The following ERC2 variants were observed in gnomAD, a reference collection of about 807,000 sequenced individuals.
ERC2 encodes ERC protein 2.
ERC2 carries 42 observed loss-of-function variants against 114.8 expected under a neutral mutation model. The ratio of observed to expected loss-of-function variants is 0.37; its 90% CI spans 0.29 to 0.47. The LOEUF (loss-of-function observed/expected upper bound fraction) is 0.47. Ranked by LOEUF, ERC2 falls within the 20% of genes least tolerant of loss-of-function variation. The pLI, the probability that ERC2 is intolerant of heterozygous loss-of-function variation, is 0.99. For missense variants in ERC2, 939 were observed against 1,150.7 expected (o/e 0.82, Z 2.66); for synonymous variants, 454 against 425.5 (o/e 1.07, Z -0.82).
intron 17 of ERC2, among the ~76,000 whole-genome samples, chr3:55,615,173 G>C (rs1275010428): frequency 6.6e-6 from 1 of 152,176 alleles, no homozygotes; most frequent in African/African-American, 2.4e-5. Flanking sequence ...TGTTGTCATA[G>C]GATACCAGCT....
At chr3:56,405,307 G>A (rs1217925720) in intron 2 of ERC2, among the ~76,000 whole-genome samples, 3 of 152,132 alleles carry the variant, frequency 2.0e-5, no homozygotes, top group Non-Finnish European at 4.4e-5. Context: ...AGCCGGGCAT[G>A]GCGGTGGGTG....
At position 56,137,360 on chromosome 3, in the gene ERC2, T is replaced by C. The variant is rs762774726; in HGVS notation, c.1473+2149A>G. On this transcript the variant is annotated intron_variant, in intron 6 of 17. Coordinates refer to ENST00000288221, the MANE Select transcript of ERC2 (RefSeq NM_015576.3). The stretch of plus-strand genomic sequence containing the variant: ...GTACAAGCAGTTGCTTTTTGAATAA[T>C]ACAGTGAAGAAAAATGAATGCTCTA... Among the ~76,000 whole-genome samples the C allele has an allele frequency of 2.6e-5, 4 of 152,158 alleles. No individual in the cohort carries two copies. The South Asian group carries it at 8.3e-4, about 32-fold the overall frequency.
intron 17 of ERC2, among the ~76,000 whole-genome samples, chr3:55,592,238 C>T (rs1230194865): frequency 3.3e-5 from 5 of 152,212 alleles, no homozygotes; most frequent in Admixed American, 6.5e-5. Context: ...GGCATATCCC[C>T]GTATCTGGGC....
intron 14 of ERC2, among the ~76,000 whole-genome samples, chr3:55,773,079 T>A (rs750072520): frequency 6.6e-6 from 1 of 152,224 alleles, no homozygotes; most frequent in Non-Finnish European, 1.5e-5. Flanking sequence ...AAATGTTACA[T>A]TGGAGCAAGT....
At chr3:55,733,175 G>A (rs1206893780) in intron 15 of ERC2, among the ~76,000 whole-genome samples, 1 of 152,154 alleles carries the variant, frequency 6.6e-6, no homozygotes, top group Non-Finnish European at 1.5e-5. Context: ...GAAGGAATTA[G>A]GGAAAAGCAA....
intron 15 of ERC2, among the ~76,000 whole-genome samples, chr3:55,721,230 T>A (rs2064529060): frequency 1.3e-5 from 2 of 152,248 alleles, no homozygotes; most frequent in African/African-American, 2.4e-5. Context: ...GGTTTCCCCA[T>A]CTGCAAAGTG....
intron 2 of ERC2, among the ~76,000 whole-genome samples, chr3:56,403,210 T>C (rs891863792): frequency 6.6e-6 from 1 of 152,230 alleles, no homozygotes; most frequent in African/African-American, 2.4e-5. Flanking sequence ...ATTTTCTAGA[T>C]GCCTTCTCAG....
chr3:56,207,357 A>G (rs2048803851), intron 3 of ERC2, among the ~76,000 whole-genome samples: 1 of 152,008 alleles, frequency 6.6e-6, no homozygotes, highest in Non-Finnish European at 1.5e-5. Flanking sequence ...AGCTATTAAC[A>G]TTTTCATTAC....
intron 2 of ERC2, among the ~76,000 whole-genome samples, chr3:56,406,299 A>G (rs1225466839): frequency 1.3e-5 from 2 of 152,174 alleles, no homozygotes; most frequent in African/African-American, 4.8e-5. Context: ...TGTTTATCCT[A>G]CGTGGCTGTG....
intron 12 of ERC2, among the ~76,000 whole-genome samples, chr3:55,962,525 G>A (rs1248716462): frequency 2.0e-5 from 3 of 152,186 alleles, no homozygotes; most frequent in Non-Finnish European, 4.4e-5. Context: ...GCCTGAATTT[G>A]CTGAACCCTG....
chr3:55,673,092 A>G (rs1252181111), intron 17 of ERC2, among the ~76,000 whole-genome samples: 1 of 152,226 alleles, frequency 6.6e-6, no homozygotes, highest in East Asian at 1.9e-4. Flanking sequence ...CTCTGGCTCT[A>G]GAAGACTTCC....
chr3:55,542,419 G>A (rs62251472), intron 17 of ERC2, among the ~76,000 whole-genome samples: 2 of 152,136 alleles, frequency 1.3e-5, no homozygotes, highest in Non-Finnish European at 2.9e-5. Context: ...AGCCAGCCTT[G>A]GGACTGGAGA....
intron 8 of ERC2, among the ~76,000 whole-genome samples, chr3:56,016,394 G>A (rs2073307347): frequency 6.7e-6 from 1 of 149,330 alleles, no homozygotes; most frequent in Non-Finnish European, 1.5e-5. Context: ...TAGCCCTAGA[G>A]TCATGGGTCT....
intron 6 of ERC2, among the ~76,000 whole-genome samples, chr3:56,115,047 T>C (rs2079151535): frequency 6.6e-6 from 1 of 152,120 alleles, no homozygotes; most frequent in Admixed American, 6.5e-5. Flanking sequence ...GTTTAAGGTA[T>C]TTTTCAGACC....
rs141688594 is a variant in ERC2, at chr3:56,434,603, G to A, written c.405C>T (p.Val135=). Residue 135 remains valine, a synonymous_variant, in exon 2 of 18, where the codon GTC becomes GTT. Transcript: ENST00000288221. ...CTCTTACCTGCCTCAACATGGAGGG[G>A]ACCTGGTGGTGGTGATGATGGGATG... ...TGSSHHHHHQ[V]PSMLRQVRDS... is the part of the protein sequence containing the mutation. The A allele has an allele frequency of 1.2e-6, 2 of 1,613,960 alleles. No individual in the cohort carries two copies. The highest frequency in any genetic ancestry group is 1.7e-6 in the Non-Finnish European group (2 of 1,179,878).
chr3:56,427,118 T>C (rs951845015), intron 2 of ERC2, among the ~76,000 whole-genome samples: 2 of 150,862 alleles, frequency 1.3e-5, no homozygotes, highest in African/African-American at 4.9e-5. Context: ...GCTGTGATCA[T>C]GCCACTGCAC....
At chr3:55,564,039 CTAA>C (rs2056206898) in intron 17 of ERC2, among the ~76,000 whole-genome samples, 1 of 152,188 alleles carries the variant, frequency 6.6e-6, no homozygotes, top group Non-Finnish European at 1.5e-5. Flanking sequence ...AATTCACAAT[CTAA>C]TTTGTGTTCA....
intron 17 of ERC2, among the ~76,000 whole-genome samples, chr3:55,569,710 A>G (rs2056591967): frequency 6.6e-6 from 1 of 152,240 alleles, no homozygotes. Flanking sequence ...CAATTAAGTC[A>G]AGAATTTAAA....
intron 2 of ERC2, among the ~76,000 whole-genome samples, chr3:56,397,333 A>T (rs181842261): frequency 1.4e-3 from 206 of 146,894 alleles, no homozygotes; most frequent in Admixed American, 5.0e-3. Context: ...TGGGCAACAG[A>T]GCACATATCT....
Sources: allele counts gnomAD v4.1 joint callset (sites outside exome capture counted in the v4.1 genomes callset), GRCh38; gene constraint gnomAD v4.1.1; transcripts MANE v1.5; gene names NCBI Gene and HGNC (gene_info 2026-07-23, HGNC 2026-07-21).